The following ZNF630 variants were observed in gnomAD, a reference collection of about 807,000 sequenced individuals.
ZNF630 encodes zinc finger protein 630.
Under a neutral mutation model 7.2 loss-of-function variants are expected in ZNF630, and 5 were observed. The observed-to-expected ratio is 0.70, with a 90% CI of 0.36 to 1.46. The LOEUF (loss-of-function observed/expected upper bound fraction) is 1.46. ZNF630 is among the 40% of genes most tolerant of loss of function. The probability of loss-of-function intolerance (pLI) is 0.03; values close to 1 mark genes in which losing one functional copy is unlikely to be tolerated. For missense variants in ZNF630, 461 were observed against 477.0 expected (o/e 0.97, Z 0.31); for synonymous variants, 158 against 162.8 (o/e 0.97, Z 0.23).
chrX:48,061,699 G>T, intron 2 of ZNF630: 1 of 299,415 alleles, frequency 3.3e-6, no homozygotes, highest in Non-Finnish European at 6.4e-6. Context: ...AATAGTGAGT[G>T]AGTTCTCACA....
At chrX:48,061,564 A>T (rs1285373819) in intron 2 of ZNF630, among the ~76,000 whole-genome samples, 1 of 111,929 alleles carries the variant, frequency 8.9e-6, no homozygotes, top group East Asian at 2.8e-4. Context: ...ATAACTTTTT[A>T]AAAAATGGTT....
Position 48,058,256 on chromosome X carries a change from T to G in ZNF630, c.*212A>C. ...GATACATTTATTCTGTGAAGAGGGC[T>G]GAGACAGTTTGAGGGTGAGCAAATT... is the stretch of plus-strand genomic sequence containing the variant. On this transcript the variant is annotated 3_prime_UTR_variant, in exon 5 of 5. Coordinates refer to ENST00000276054, the MANE Select transcript of ZNF630 (RefSeq NM_001282201.2). The G allele has an allele frequency of 5.8e-6, 2 of 345,272 alleles. No individual in the cohort carries two copies. Among genetic ancestry groups the G allele is most frequent in the Non-Finnish European group, 9.8e-6 (2 of 203,217 alleles). The allele number at this position is 345,272 out of a possible 1,213,427, so 28.5% of individuals were successfully genotyped here.
In ZNF630 at chrX:48,068,208, GAAAAGAAAAGAA is replaced by G. The variant is rs1569422379; in HGVS notation, c.-175-1159_-175-1148del. On this transcript the variant is annotated intron_variant, in intron 1 of 4. Transcript: ENST00000276054. Reference sequence around the variant, plus strand: ...GAAGGAAGGAAGGAAGGAAAGAAAAGAAAAGAAAAGAAAAAAGAAAAGAAAAGAAAAGAAAAG... The same window carrying G: ...GAAGGAAGGAAGGAAGGAAAGAAAAGAAAAGAAAAGAAAAGAAAAGAAAAG... 8.4e-4 allele frequency among the ~76,000 whole-genome samples: 48 copies of G among 56,994 alleles called. 1 individual carries two copies. Among genetic ancestry groups the G allele is most frequent in the African/African-American group, 2.7e-3 (47 of 17,500 alleles). The allele number at this position is 56,994 out of a possible 115,157, so 49.5% of individuals were successfully genotyped here.
intron 1 of ZNF630, among the ~76,000 whole-genome samples, chrX:48,068,307 G>A (rs2059143568): frequency 9.1e-6 from 1 of 110,202 alleles, no homozygotes; most frequent in Non-Finnish European, 1.9e-5. Flanking sequence ...AAGAAAGGGA[G>A]GAAGGGCATT....
chrX:48,068,270 AGG>A (rs2059142804), intron 1 of ZNF630, among the ~76,000 whole-genome samples: 1 of 95,347 alleles, frequency 1.0e-5, no homozygotes, highest in Non-Finnish European at 2.1e-5. Context: ...AGAGGAAGGA[AGG>A]AAGGAAGGAA....
chrX:48,064,738 A>G (rs1274996599), intron 2 of ZNF630, among the ~76,000 whole-genome samples: 1 of 112,331 alleles, frequency 8.9e-6, no homozygotes, highest in African/African-American at 3.3e-5. Flanking sequence ...TGCTGGGATT[A>G]TAGGCGTGAA....
At position 48,059,675 on chromosome X, in the gene ZNF630, A is replaced by G. The variant is rs782444476; in HGVS notation, c.767T>C (p.Phe256Ser). The G allele has an allele frequency of 8.3e-7, 1 of 1,208,440 alleles. No homozygotes were observed. Among genetic ancestry groups the G allele is most frequent in the Non-Finnish European group, 1.1e-6 (1 of 893,251 alleles). The change falls in exon 5 of 5, where the codon TTT (phenylalanine) becomes TCT (serine). Residue 256 changes from phenylalanine (F) to serine (S), a missense_variant. Physicochemically the swap from Phe to Ser is radical, Grantham distance 155. Coordinates refer to ENST00000276054, the MANE Select transcript of ZNF630 (RefSeq NM_001282201.2). ...HKQAHVQYKK[F>S]QAREKPNVCS... ...AACATTGGGTTTCTCTCTGGCTTGA[A>G]ATTTCTTATACTGAACATGGGCTTG...
At chrX:48,070,648 T>C (rs2059156267) in intron 1 of ZNF630, among the ~76,000 whole-genome samples, 1 of 103,456 alleles carries the variant, frequency 9.7e-6, no homozygotes, top group Non-Finnish European at 2.0e-5. Context: ...CTACAAATCA[T>C]TAAGAAAAGG....
chrX:48,068,170 G>GACA (rs2059140483), intron 1 of ZNF630, among the ~76,000 whole-genome samples: 16 of 30,195 alleles, frequency 5.3e-4, no homozygotes, highest in Admixed American at 1.2e-3. Flanking sequence ...GGAGGAAGAA[G>GACA]GAAGGAAGGA....
At chrX:48,068,676 T>G (rs1021983948) in intron 1 of ZNF630, among the ~76,000 whole-genome samples, 1 of 111,153 alleles carries the variant, frequency 9.0e-6, no homozygotes, top group South Asian at 3.8e-4. Context: ...TTTGGCCCAC[T>G]GCCCAGTTTT....
chrX:48,067,049 C>G lies in ZNF630; in HGVS notation c.-163G>C. ...CTCATCTGACTCGGTAATTCCATTT[C>G]CGGAACTTCGTCCTAAGGTAATAAT... is the stretch of plus-strand genomic sequence containing the variant. On this transcript the variant is annotated 5_prime_UTR_variant, in exon 2 of 5. Coordinates refer to ENST00000276054, the MANE Select transcript of ZNF630 (RefSeq NM_001282201.2). 3.6e-6 allele frequency: 2 copies of G among 559,496 alleles called. No individual in the cohort carries two copies. Among genetic ancestry groups the G allele is most frequent in the Non-Finnish European group, 2.9e-6 (1 of 343,182 alleles). The allele number at this position is 559,496 out of a possible 1,213,427, so 46.1% of individuals were successfully genotyped here. A position where few individuals can be genotyped will look rare whatever the true frequency, so the allele number is the denominator to read the frequency against.
intron 2 of ZNF630, among the ~76,000 whole-genome samples, chrX:48,064,446 G>C (rs1316821311): frequency 9.0e-6 from 1 of 111,004 alleles, no homozygotes; most frequent in Non-Finnish European, 1.9e-5. Flanking sequence ...GTTTTTCAAT[G>C]GCCCACAAGC....
chrX:48,059,572 T>C lies in ZNF630; in HGVS notation c.870A>G (p.Pro290=), dbSNP rs781942374. The C allele has an allele frequency of 1.7e-6, 2 of 1,207,394 alleles. No individual in the cohort carries two copies. Among genetic ancestry groups the C allele is most frequent in the Non-Finnish European group, 2.2e-6 (2 of 892,882 alleles). ...CTTTCCTACAATCTCCACATACATA[T>C]GGTTTCTCTCCAGTATGAATTCTTT... ...IHQRIHTGEK[P]YVCGDCRKAF... is the part of the protein sequence containing the mutation. Residue 290 remains proline (P), a synonymous_variant, in exon 5 of 5, where the codon CCA becomes CCG. Transcript: ENST00000276054.
In ZNF630 at chrX:48,060,072, G is replaced by A. The variant is rs782571672; in HGVS notation, c.370C>T (p.Gln124Ter). The change falls in exon 5 of 5, where the codon CAG (glutamine) becomes TAG (stop). Residue 124 changes from glutamine (Q) to a stop codon, truncating the protein, a stop_gained. Coordinates refer to ENST00000276054, the MANE Select transcript of ZNF630 (RefSeq NM_001282201.2). LOFTEE classifies it low-confidence loss of function (END_TRUNC). ...SVLKIWHIDNQMDRYQGNQDR... is the reference protein window; with the variant it reads ...SVLKIWHIDN ...TGATTTCCTTGATATCTATCCATCT[G>A]ATTATCAATATGCCAGATTTTTAAA... 8.3e-6 allele frequency: 10 copies of A among 1,200,082 alleles called. No individual in the cohort carries two copies. The highest frequency in any genetic ancestry group is 1.8e-5 in the African/African-American group (1 of 56,351).
intron 2 of ZNF630, 27 bp downstream of exon 2, chrX:48,066,845 A>G: frequency 8.3e-7 from 1 of 1,206,563 alleles, no homozygotes; most frequent in Non-Finnish European, 1.1e-6. Flanking sequence ...TGTTGTGGGA[A>G]AACCAAGTGG....
chrX:48,057,691 C>T lies in ZNF630; in HGVS notation c.*777G>A, dbSNP rs1353361395. Among the ~76,000 whole-genome samples, 1 of 111,219 alleles carries T rather than the reference C, an allele frequency of 9.0e-6. No homozygotes were observed. Among genetic ancestry groups the T allele is most frequent in the Non-Finnish European group, 1.9e-5 (1 of 53,062 alleles). On this transcript the variant is annotated 3_prime_UTR_variant, in exon 5 of 5. Transcript: ENST00000276054. ...ATATATTAAGAACCTTGAGGAAATA[C>T]ATGATTTTTAAAAATTACAAAGAGT...
chrX:48,069,841 G>GTTTTTTTTT (rs1210374790), intron 1 of ZNF630, among the ~76,000 whole-genome samples: 3 of 41,129 alleles, frequency 7.3e-5, no homozygotes. Context: ...GACATTGTCT[G>GTTTTTTTTT]TTTTTTTTTT....
intron 1 of ZNF630, 72 bp from the exon 2 acceptor site, chrX:48,067,133 C>A: frequency 2.7e-6 from 1 of 368,273 alleles, no homozygotes. Flanking sequence ...GTCTTTAACA[C>A]CATATTATTG....
At chrX:48,069,534 A>T (rs1454459957) in intron 1 of ZNF630, among the ~76,000 whole-genome samples, 4 of 111,588 alleles carry the variant, frequency 3.6e-5, no homozygotes, top group African/African-American at 1.3e-4. Flanking sequence ...CATGAAATAT[A>T]TACAAAATTA....
Sources: allele counts gnomAD v4.1 joint callset (sites outside exome capture counted in the v4.1 genomes callset), GRCh38; gene constraint gnomAD v4.1.1; transcripts MANE v1.5; gene names NCBI Gene and HGNC (gene_info 2026-07-23, HGNC 2026-07-21).